Variants in MTUS1 observed in about 807,000 individuals in gnomAD.
The protein encoded by MTUS1 is microtubule associated scaffold protein 1.
In MTUS1, 109 loss-of-function variants were observed where a neutral mutation model predicts 120.8. The observed-to-expected ratio is 0.90, with a 90% CI of 0.77 to 1.06. MTUS1 has a LOEUF of 1.06. Ranked by LOEUF, MTUS1 falls within the 50% of genes least tolerant of loss-of-function variation. The pLI, the probability that MTUS1 is intolerant of heterozygous loss-of-function variation, is 0.00. For synonymous variants in MTUS1, 737 were observed against 550.5 expected, an observed-to-expected ratio of 1.34 and a Z score of -4.74; for missense variants, 2,210 against 1,486.3, an observed-to-expected ratio of 1.49 and a Z score of -8.01.
At chr8:17,649,669 G>A (rs1172071814) in intron 13 of MTUS1, among the ~76,000 whole-genome samples, 177 bp downstream of exon 13, 2 of 152,206 alleles carry the variant, frequency 1.3e-5, no homozygotes, top group African/African-American at 4.8e-5. Context: ...ATTCTAGGAG[G>A]CAGCAATGAA....
intron 12 of MTUS1, among the ~76,000 whole-genome samples, chr8:17,652,062 T>G (rs576588176): frequency 6.6e-6 from 1 of 152,348 alleles, no homozygotes; most frequent in Admixed American, 6.5e-5. Flanking sequence ...ACATGTACTT[T>G]CTAGAGCTGG....
chr8:17,707,766 G>A (rs1345200466), intron 6 of MTUS1, among the ~76,000 whole-genome samples: 1 of 152,132 alleles, frequency 6.6e-6, no homozygotes, highest in East Asian at 1.9e-4. Context: ...TGTAGCACTG[G>A]CAAAGGTAAC....
chr8:17,707,699 A>T lies in MTUS1; in HGVS notation c.2623+5515T>A, dbSNP rs1327935017. ...CCCAGAATAGCCATAACTATCTTGA[A>T]AAAGAAAGACGTTGAATGACTCACA... On this transcript the variant is annotated intron_variant, in intron 6 of 14. Coordinates refer to ENST00000693296, the MANE Select transcript of MTUS1 (RefSeq NM_001363059.2). Among the ~76,000 whole-genome samples, 4 of 152,216 alleles carry T rather than the reference A, an allele frequency of 2.6e-5. No individual in the cohort carries two copies. In the East Asian group the frequency reaches 7.7e-4, roughly 29 times the overall value.
intron 3 of MTUS1, among the ~76,000 whole-genome samples, chr8:17,736,677 C>T (rs1203249156): frequency 6.6e-6 from 1 of 152,074 alleles, no homozygotes; most frequent in Non-Finnish European, 1.5e-5. Context: ...CTCCACCTCC[C>T]AGGTTCAAGA....
chr8:17,679,514 TA>T (rs33927460), intron 7 of MTUS1, among the ~76,000 whole-genome samples: 28 of 35,078 alleles, frequency 8.0e-4, no homozygotes, highest in African/African-American at 1.5e-3. Flanking sequence ...TTTATTTATT[TA>T]TTTTTTGAGA....
At chr8:17,696,905 T>G (rs1818085638) in intron 6 of MTUS1, among the ~76,000 whole-genome samples, 2 of 152,318 alleles carry the variant, frequency 1.3e-5, no homozygotes, top group Middle Eastern at 3.4e-3. Flanking sequence ...ACAGGAAATA[T>G]TCTTCTAAAT....
intron 6 of MTUS1, among the ~76,000 whole-genome samples, chr8:17,694,850 ATCTTCAGCCAGAAAT>A (rs1451058872): frequency 6.6e-6 from 1 of 152,222 alleles, no homozygotes; most frequent in Admixed American, 6.5e-5. Context: ...GGGTTTTCAA[ATCTTCAGCCAGAAAT>A]TCACAGATTT....
At chr8:17,800,105 T>G (rs1453784941) in intron 1 of MTUS1, among the ~76,000 whole-genome samples, 1 of 152,186 alleles carries the variant, frequency 6.6e-6, no homozygotes, top group Non-Finnish European at 1.5e-5. Flanking sequence ...AAGTTGTCCA[T>G]GCACTGTTAT....
At position 17,680,396 on chromosome 8, in the gene MTUS1, G is replaced by A. The variant is rs778598318; in HGVS notation, c.2838+3932C>T. Among the ~76,000 whole-genome samples the A allele has an allele frequency of 3.7e-4, 53 of 144,452 alleles. 1 individual carries two copies. The highest frequency in any genetic ancestry group is 2.2e-3 in the Admixed American group (30 of 13,856). The allele number at this position is 144,452 out of a possible 152,430, so 94.8% of individuals were successfully genotyped here. ...GGAGAACTGGTTGAACCCAGGTGGCGGAGGTTGCAGTGAGCTGAGATTGCG... is the reference window on the plus strand; with the variant it reads ...GGAGAACTGGTTGAACCCAGGTGGCAGAGGTTGCAGTGAGCTGAGATTGCG... On this transcript the variant is annotated intron_variant, in intron 7 of 14. Transcript: ENST00000693296.
chr8:17,781,043 A>T (rs1563382075), intron 1 of MTUS1: 1 of 152,326 alleles, frequency 6.6e-6, no homozygotes, highest in South Asian at 2.1e-4. Flanking sequence ...GTGCAAACAG[A>T]ATTATCCTCT....
chr8:17,775,471 G>A (rs1241818721), intron 1 of MTUS1, among the ~76,000 whole-genome samples: 1 of 152,136 alleles, frequency 6.6e-6, no homozygotes, highest in Non-Finnish European at 1.5e-5. Context: ...ACGACAGCAT[G>A]CATCACGCCC....
At chr8:17,654,043 C>T (rs1451052631) in intron 10 of MTUS1, 2 of 160,782 alleles carry the variant, frequency 1.2e-5, no homozygotes, top group Non-Finnish European at 2.7e-5. Context: ...AGCACTCATC[C>T]ACGCTGCTCT....
intron 3 of MTUS1, among the ~76,000 whole-genome samples, chr8:17,735,569 G>C (rs1411366594): frequency 1.3e-5 from 2 of 152,132 alleles, no homozygotes; most frequent in Non-Finnish European, 2.9e-5. Context: ...GGTATCCTTT[G>C]ACAAGGCCAC....
At chr8:17,726,370 A>G (rs909252479) in intron 3 of MTUS1, among the ~76,000 whole-genome samples, 1 of 152,156 alleles carries the variant, frequency 6.6e-6, no homozygotes, top group African/African-American at 2.4e-5. Context: ...ACTTGTTTCT[A>G]TCACAGCATT....
chr8:17,669,391 C>A (rs941219087), intron 8 of MTUS1, among the ~76,000 whole-genome samples: 6 of 152,076 alleles, frequency 3.9e-5, no homozygotes, highest in African/African-American at 1.4e-4. Flanking sequence ...AACCCATGGC[C>A]GGGGCCTGGG....
At chr8:17,707,692 A>G (rs553126857) in intron 6 of MTUS1, among the ~76,000 whole-genome samples, 2 of 152,336 alleles carry the variant, frequency 1.3e-5, no homozygotes, top group African/African-American at 4.8e-5. Flanking sequence ...AGCCATAACT[A>G]TCTTGAAAAA....
chr8:17,767,665 C>G (rs958631109), intron 1 of MTUS1, among the ~76,000 whole-genome samples: 2 of 148,632 alleles, frequency 1.3e-5, no homozygotes, highest in Non-Finnish European at 3.0e-5. Context: ...CGCTACTGCA[C>G]TCCAGCCTGG....
In MTUS1 at chr8:17,644,157, G is replaced by C. The variant is rs904762346; in HGVS notation, c.*1769C>G. 1 of 152,242 alleles carries C rather than the reference G, an allele frequency of 6.6e-6. No individual in the cohort carries two copies. Among genetic ancestry groups the C allele is most frequent in the Non-Finnish European group, 1.5e-5 (1 of 68,040 alleles). 9.4% of individuals were successfully genotyped at this position (152,242 alleles called of 1,614,324 possible). A position where few individuals can be genotyped will look rare whatever the true frequency, so the allele number is the denominator to read the frequency against. On this transcript the variant is annotated 3_prime_UTR_variant, in exon 15 of 15. Coordinates refer to ENST00000693296, the MANE Select transcript of MTUS1 (RefSeq NM_001363059.2). ...TGAGAACAACTTGGAAGCGTGAGCA[G>C]AGATATCTCATGAAGTGGCAGTGAA...
chr8:17,679,466 T>G (rs891995317), intron 7 of MTUS1, among the ~76,000 whole-genome samples: 92 of 145,732 alleles, frequency 6.3e-4, no homozygotes, highest in African/African-American at 2.0e-3. Context: ...ACCCATGATT[T>G]TTTTTCTCCA....
Sources: allele counts gnomAD v4.1 joint callset (sites outside exome capture counted in the v4.1 genomes callset), GRCh38; gene constraint gnomAD v4.1.1; transcripts MANE v1.5; gene names NCBI Gene and HGNC (gene_info 2026-07-23, HGNC 2026-07-21).